The following FHIT variants were observed in gnomAD, a reference collection of about 807,000 sequenced individuals.
The protein encoded by FHIT is fragile histidine triad diadenosine triphosphatase.
In FHIT, 19 loss-of-function variants were observed where a neutral mutation model predicts 17.9. That is an observed-to-expected ratio of 1.06 (90% CI 0.74 to 1.56). The LOEUF is 1.56. Ranked by LOEUF, FHIT falls within the 40% of genes most tolerant of loss-of-function variation. The probability of loss-of-function intolerance (pLI) is 0.00; values close to 1 mark genes in which losing one functional copy is unlikely to be tolerated. For synonymous variants in FHIT, 81 were observed against 69.7 expected, an observed-to-expected ratio of 1.16 and a Z score of -0.81; for missense variants, 248 against 189.2, an observed-to-expected ratio of 1.31 and a Z score of -1.82.
At chr3:60,428,075 C>A (rs900829884) in intron 5 of FHIT, among the ~76,000 whole-genome samples, 4 of 152,094 alleles carry the variant, frequency 2.6e-5, no homozygotes, top group African/African-American at 9.7e-5. Flanking sequence ...TTTATTAAAA[C>A]CTTAGTTCAA....
At chr3:61,106,520 C>G (rs1215893985) in intron 2 of FHIT, among the ~76,000 whole-genome samples, 2 of 151,952 alleles carry the variant, frequency 1.3e-5, no homozygotes, top group African/African-American at 4.8e-5. Flanking sequence ...ATGAGCTTGG[C>G]TTTTTTAATT....
At chr3:60,421,999 A>G (rs1702489349) in intron 5 of FHIT, among the ~76,000 whole-genome samples, 1 of 152,116 alleles carries the variant, frequency 6.6e-6, no homozygotes, top group South Asian at 2.1e-4. Flanking sequence ...TTAGAGGGTG[A>G]GCTAAAAGGA....
intron 4 of FHIT, among the ~76,000 whole-genome samples, chr3:60,561,776 GC>G (rs1471727844): frequency 6.6e-6 from 1 of 152,108 alleles, no homozygotes; most frequent in Non-Finnish European, 1.5e-5. Context: ...AATGGTACAG[GC>G]TTTGGCAGCC....
intron 5 of FHIT, among the ~76,000 whole-genome samples, chr3:60,107,431 G>C (rs1704473432): frequency 6.6e-6 from 1 of 152,070 alleles, no homozygotes; most frequent in African/African-American, 2.4e-5. Flanking sequence ...GAGTTTATTT[G>C]ATCGAACAAC....
At chr3:60,722,504 C>G (rs1223041853) in intron 4 of FHIT, among the ~76,000 whole-genome samples, 1 of 152,122 alleles carries the variant, frequency 6.6e-6, no homozygotes, top group Non-Finnish European at 1.5e-5. Context: ...AACCTTGGCA[C>G]TGTAGACACT....
intron 2 of FHIT, among the ~76,000 whole-genome samples, chr3:61,114,817 C>G (rs2036254317): frequency 6.6e-6 from 1 of 152,120 alleles, no homozygotes; most frequent in Non-Finnish European, 1.5e-5. Context: ...TACCTTTATC[C>G]TGCCAGGGAA....
At chr3:60,165,102 G>C (rs551610492) in intron 5 of FHIT, among the ~76,000 whole-genome samples, 1 of 152,142 alleles carries the variant, frequency 6.6e-6, no homozygotes, top group Middle Eastern at 3.2e-3. Flanking sequence ...AGTCAGATGG[G>C]AGCCAAAAGG....
intron 3 of FHIT, among the ~76,000 whole-genome samples, chr3:60,910,714 G>C (rs531161633): frequency 6.6e-6 from 1 of 152,224 alleles, no homozygotes; most frequent in African/African-American, 2.4e-5. Flanking sequence ...GCCCGGCCCA[G>C]GTCTTTCTCT....
At chr3:60,663,179 G>C (rs986315644) in intron 4 of FHIT, among the ~76,000 whole-genome samples, 6 of 31,498 alleles carry the variant, frequency 1.9e-4, no homozygotes, top group Non-Finnish European at 4.5e-4. Flanking sequence ...ATGTTGGGTT[G>C]GTTGATTCTT....
At chr3:60,031,464 A>G (rs1700997821) in intron 5 of FHIT, among the ~76,000 whole-genome samples, 1 of 152,198 alleles carries the variant, frequency 6.6e-6, no homozygotes, top group Admixed American at 6.5e-5. Context: ...CCAGCATATG[A>G]CCTGTGGAGT....
intron 5 of FHIT, among the ~76,000 whole-genome samples, chr3:60,086,731 A>C (rs1703509877): frequency 6.6e-6 from 1 of 152,202 alleles, no homozygotes; most frequent in African/African-American, 2.4e-5. Context: ...TAGGTACTGC[A>C]AGGGGTGGGC....
Position 60,929,778 on chromosome 3 carries a change from C to A in FHIT, c.-110-107767G>T, listed in dbSNP as rs1707849163. On this transcript the variant is annotated intron_variant, in intron 3 of 9. Transcript: ENST00000492590. The stretch of plus-strand genomic sequence containing the variant: ...GGAAGAATCAATATTGTGAAAATGG[C>A]CATACTGCCCAAGGCAATTTATAGA... 2.0e-5 allele frequency among the ~76,000 whole-genome samples: 3 copies of A among 152,134 alleles called. No individual in the cohort carries two copies. The South Asian group carries it at 6.2e-4, about 32-fold the overall frequency.
intron 3 of FHIT, among the ~76,000 whole-genome samples, chr3:60,891,541 A>C (rs1705516815): frequency 6.6e-6 from 1 of 152,238 alleles, no homozygotes; most frequent in East Asian, 1.9e-4. Context: ...CCTAAGAACA[A>C]ACAATGCATA....
chr3:61,140,698 C>A (rs1372585757), intron 2 of FHIT, among the ~76,000 whole-genome samples: 2 of 152,104 alleles, frequency 1.3e-5, no homozygotes, highest in Non-Finnish European at 2.9e-5. Context: ...GAACGTCCTA[C>A]CTTCCTGGTC....
chr3:60,569,747 A>ATTTTTT (rs1229124163), intron 4 of FHIT, among the ~76,000 whole-genome samples: 1 of 61,214 alleles, frequency 1.6e-5, no homozygotes, highest in African/African-American at 6.1e-5. Context: ...ATATATATAT[A>ATTTTTT]TATATATATT....
At chr3:60,388,754 T>C (rs1329503282) in intron 5 of FHIT, among the ~76,000 whole-genome samples, 1 of 152,250 alleles carries the variant, frequency 6.6e-6, no homozygotes, top group African/African-American at 2.4e-5. Flanking sequence ...CACACAGCTC[T>C]CTGCACATGC....
chr3:59,917,438 C>T (rs1224069691), intron 8 of FHIT, among the ~76,000 whole-genome samples: 1 of 152,132 alleles, frequency 6.6e-6, no homozygotes, highest in African/African-American at 2.4e-5. Context: ...AATGATATGA[C>T]ATTAGGCCAT....
At chr3:60,139,049 G>C (rs569133063) in intron 5 of FHIT, among the ~76,000 whole-genome samples, 1 of 152,138 alleles carries the variant, frequency 6.6e-6, no homozygotes, top group Non-Finnish European at 1.5e-5. Flanking sequence ...AGCCAGCAAA[G>C]ATCACAGAGA....
chr3:60,274,369 A>C (rs1002267431), intron 5 of FHIT, among the ~76,000 whole-genome samples: 2 of 152,204 alleles, frequency 1.3e-5, no homozygotes, highest in African/African-American at 4.8e-5. Context: ...ATCACCATTT[A>C]CATATCAGTC....
Sources: gnomAD v4.1 joint callset for allele counts (sites outside exome capture counted in the v4.1 genomes callset) on GRCh38, gnomAD v4.1.1 for gene constraint, MANE v1.5 for transcripts, NCBI Gene and HGNC (gene_info 2026-07-23, HGNC 2026-07-21) for gene names.